The following ASCC3 variants were observed in gnomAD, a reference collection of about 807,000 sequenced individuals.
The protein encoded by ASCC3 is activating signal cointegrator 1 complex subunit 3.
In ASCC3, 158 loss-of-function variants were observed where a neutral mutation model predicts 256.3. The ratio of observed to expected loss-of-function variants is 0.62; its 90% CI spans 0.54 to 0.70. The LOEUF (loss-of-function observed/expected upper bound fraction) is 0.70, where lower values mean the gene tolerates loss of function less well. Ranked by LOEUF, ASCC3 falls within the 30% of genes least tolerant of loss-of-function variation. The pLI is 0.00. For missense variants in ASCC3, 2,259 were observed against 2,626.0 expected, an observed-to-expected ratio of 0.86 and a Z score of 3.05; for synonymous variants, 948 against 883.4, an observed-to-expected ratio of 1.07 and a Z score of -1.30.
chr6:100,876,342 A>C (rs899265760), intron 1 of ASCC3, among the ~76,000 whole-genome samples: 1 of 152,194 alleles, frequency 6.6e-6, no homozygotes, highest in African/African-American at 2.4e-5. Flanking sequence ...GTCTGAACTT[A>C]CCACCCACAA....
chr6:100,509,959 G>A lies in ASCC3; in HGVS notation c.6434C>T (p.Ser2145Phe). The A allele has an allele frequency of 6.2e-7, 1 of 1,613,266 alleles. No individual in the cohort carries two copies. The highest frequency in any genetic ancestry group is 8.5e-7 in the Non-Finnish European group (1 of 1,179,738). Residue 2145 changes from serine to phenylalanine, a missense_variant, in exon 41 of 42, where the codon TCT (serine) becomes TTT (phenylalanine). Ser to Phe is a radical substitution (Grantham distance 155). Transcript: ENST00000369162. ...YIRNHHVASL[S>F]FYTPEIPGRY... The stretch of plus-strand genomic sequence containing the variant: ...TCCAGGTATTTCAGGGGTATAAAAA[G>A]AAAGGGAAGCAACATGATGATTTCG...
chr6:100,801,831 T>C (rs1302271287), intron 5 of ASCC3, among the ~76,000 whole-genome samples: 3 of 151,410 alleles, frequency 2.0e-5, no homozygotes, highest in African/African-American at 7.3e-5. Flanking sequence ...GAACTCTTCA[T>C]AAAAGTTAAC....
chr6:100,834,620 A>G (rs569075583), intron 4 of ASCC3, among the ~76,000 whole-genome samples: 1 of 152,224 alleles, frequency 6.6e-6, no homozygotes, highest in Non-Finnish European at 1.5e-5. Flanking sequence ...CATAGAAGAG[A>G]CAGATATAAG....
At position 100,624,209 on chromosome 6, in the gene ASCC3, T is replaced by C. The variant is rs532089680; in HGVS notation, c.4785+983A>G. Reference sequence around the variant, plus strand: ...TGAAAGATTAATATGTATATATGTATAGAAATACACATATATGAAGAAAAG... The same window carrying C: ...TGAAAGATTAATATGTATATATGTACAGAAATACACATATATGAAGAAAAG... On this transcript the variant is annotated intron_variant, in intron 30 of 41. Transcript: ENST00000369162. Among the ~76,000 whole-genome samples the C allele has an allele frequency of 2.1e-3, 325 of 151,914 alleles. 4 individuals are homozygous for C. The highest frequency in any genetic ancestry group is 7.0e-3 in the African/African-American group (292 of 41,506).
chr6:100,540,011 C>T (rs1775367973), intron 37 of ASCC3, 152 bp downstream of exon 37: 22 of 757,930 alleles, frequency 2.9e-5, no homozygotes, highest in South Asian at 2.7e-4. Context: ...TTTGCTTTTA[C>T]TTTGGAAATT....
chr6:100,844,261 G>GT (rs1772286462), intron 4 of ASCC3, among the ~76,000 whole-genome samples: 1 of 150,894 alleles, frequency 6.6e-6, no homozygotes, highest in Non-Finnish European at 1.5e-5. Flanking sequence ...CTGAGCCTCA[G>GT]TTTTTTTAAC....
At chr6:100,585,540 T>G (rs568148477) in intron 36 of ASCC3, among the ~76,000 whole-genome samples, 1 of 152,226 alleles carries the variant, frequency 6.6e-6, no homozygotes, top group African/African-American at 2.4e-5. Flanking sequence ...CTCCTGTAGC[T>G]CAGAATAGTT....
At chr6:100,835,611 T>C (rs952671249) in intron 4 of ASCC3, among the ~76,000 whole-genome samples, 3 of 152,168 alleles carry the variant, frequency 2.0e-5, no homozygotes, top group Non-Finnish European at 4.4e-5. Flanking sequence ...GCATTCTCTA[T>C]TCTGTTCTAT....
chr6:100,813,341 C>T (rs140347123), intron 4 of ASCC3, among the ~76,000 whole-genome samples: 151 of 151,960 alleles, frequency 9.9e-4, no homozygotes, highest in Middle Eastern at 3.4e-3. Flanking sequence ...GCTTATAATC[C>T]ACCACATGGG....
intron 35 of ASCC3, 42 bp downstream of exon 35, chr6:100,589,906 T>G (rs1178305376): frequency 1.3e-6 from 2 of 1,597,490 alleles, no homozygotes; most frequent in Non-Finnish European, 1.7e-6. Flanking sequence ...GTCAAAAAGC[T>G]GGGCAATCTT....
At chr6:100,646,316 T>C (rs1404779551) in intron 22 of ASCC3, among the ~76,000 whole-genome samples, 1 of 151,958 alleles carries the variant, frequency 6.6e-6, no homozygotes, top group Non-Finnish European at 1.5e-5. Context: ...CTATTATTAT[T>C]ATTATTTTTT....
At chr6:100,849,118 A>G (rs1195000047) in intron 3 of ASCC3, among the ~76,000 whole-genome samples, 1 of 152,102 alleles carries the variant, frequency 6.6e-6, no homozygotes, top group Non-Finnish European at 1.5e-5. Context: ...AACAACAAAA[A>G]CATAACAATA....
chr6:100,809,758 T>C (rs552417236), intron 4 of ASCC3, among the ~76,000 whole-genome samples: 4 of 152,140 alleles, frequency 2.6e-5, no homozygotes, highest in East Asian at 1.9e-4. Context: ...CACATTTCTA[T>C]AGCTTTTTCA....
At chr6:100,708,307 G>A (rs1318801503) in intron 13 of ASCC3, among the ~76,000 whole-genome samples, 1 of 151,996 alleles carries the variant, frequency 6.6e-6, no homozygotes, top group Admixed American at 6.6e-5. Context: ...TATTATTTGA[G>A]TTTAAATGTA....
Position 100,796,467 on chromosome 6 carries a change from C to G in ASCC3, c.1395+2246G>C, listed in dbSNP as rs774204387. On this transcript the variant is annotated intron_variant, in intron 8 of 41. Transcript: ENST00000369162. Reference sequence around the variant, plus strand: ...CATTTGTATGCTGAAGCCCTTACCCCTCAATGTGACTGTTTTAAAGACAGG... The same window carrying G: ...CATTTGTATGCTGAAGCCCTTACCCGTCAATGTGACTGTTTTAAAGACAGG... Among the ~76,000 whole-genome samples the G allele has an allele frequency of 4.1e-4, 63 of 152,138 alleles. 1 individual carries two copies. The highest frequency in any genetic ancestry group is 2.6e-4 in the Admixed American group (4 of 15,268).
intron 4 of ASCC3, among the ~76,000 whole-genome samples, chr6:100,831,494 T>A (rs935363843): frequency 6.6e-6 from 1 of 152,198 alleles, no homozygotes; most frequent in African/African-American, 2.4e-5. Context: ...GTTTGGCTCC[T>A]GCTGGGTAAC....
intron 25 of ASCC3, among the ~76,000 whole-genome samples, chr6:100,635,088 G>A (rs576668045): frequency 6.6e-6 from 1 of 152,104 alleles, no homozygotes; most frequent in East Asian, 1.9e-4. Flanking sequence ...ATCTTAAAGA[G>A]ATATCTGCAC....
At chr6:100,608,073 T>C (rs573695470) in intron 30 of ASCC3, among the ~76,000 whole-genome samples, 2 of 101,560 alleles carry the variant, frequency 2.0e-5, no homozygotes, top group Admixed American at 1.2e-4. Context: ...TATATATACA[T>C]ATATATGTAT....
At chr6:100,827,750 T>C (rs1771392259) in intron 4 of ASCC3, among the ~76,000 whole-genome samples, 1 of 152,184 alleles carries the variant, frequency 6.6e-6, no homozygotes, top group Non-Finnish European at 1.5e-5. Context: ...TTCCTTTTTA[T>C]GTTTTCCAAC....
Sources: gnomAD v4.1 joint callset for allele counts (sites outside exome capture counted in the v4.1 genomes callset) on GRCh38, gnomAD v4.1.1 for gene constraint, MANE v1.5 for transcripts, NCBI Gene and HGNC (gene_info 2026-07-23, HGNC 2026-07-21) for gene names.